The following SPG11 variants were observed in gnomAD, a reference collection of about 807,000 sequenced individuals.
SPG11 encodes SPG11 vesicle trafficking associated, spatacsin.
SPG11 carries 222 observed loss-of-function variants against 274.0 expected under a neutral mutation model. The ratio of observed to expected loss-of-function variants is 0.81; its 90% CI spans 0.73 to 0.91. SPG11 has a LOEUF of 0.91. Ranked by LOEUF, SPG11 falls within the 40% of genes least tolerant of loss-of-function variation. The pLI is 0.00. For synonymous variants in SPG11, 1,144 were observed against 1,039.7 expected, an observed-to-expected ratio of 1.10 and a Z score of -1.93; for missense variants, 3,114 against 2,872.7, an observed-to-expected ratio of 1.08 and a Z score of -1.92.
chr15:44,619,182 ATCTGAC>A (rs1267526842), intron 15 of SPG11, among the ~76,000 whole-genome samples: 6 of 152,196 alleles, frequency 3.9e-5, no homozygotes, highest in Non-Finnish European at 5.9e-5. Flanking sequence ...ACGTCCCTGG[ATCTGAC>A]TCTCCACATC....
chr15:44,618,204 C>G (rs1413177741), intron 15 of SPG11, among the ~76,000 whole-genome samples: 1 of 151,968 alleles, frequency 6.6e-6, no homozygotes, highest in Non-Finnish European at 1.5e-5. Context: ...TTCTAGGTAC[C>G]CCTTTTAAGT....
intron 20 of SPG11, chr15:44,604,201 A>C: frequency 3.8e-6 from 1 of 261,186 alleles, no homozygotes. Context: ...CTGATTCCTA[A>C]AAAAAAAAAA....
Position 44,621,948 on chromosome 15 carries a change from T to C in SPG11, c.2445-14A>G, listed in dbSNP as rs1482603576. The stretch of plus-strand genomic sequence containing the variant: ...TTTATCCAGTACCTAAAAACAGTGA[T>C]ATAAATTTTTTTTTTTTTAATTTTG... On this transcript the variant is annotated splice_polypyrimidine_tract_variant and intron_variant, in intron 13 of 39. Coordinates refer to ENST00000261866, the MANE Select transcript of SPG11 (RefSeq NM_025137.4). 1 of 1,589,128 alleles carries C rather than the reference T, an allele frequency of 6.3e-7. No individual in the cohort carries two copies. The highest frequency in any genetic ancestry group is 8.6e-7 in the Non-Finnish European group (1 of 1,168,784).
intron 16 of SPG11, among the ~76,000 whole-genome samples, chr15:44,614,812 T>A (rs2083551623): frequency 6.6e-6 from 1 of 152,226 alleles, no homozygotes; most frequent in African/African-American, 2.4e-5. Flanking sequence ...AAAGACTACT[T>A]CTATTGTTAT....
At chr15:44,594,240 CA>C (rs2082975414) in intron 26 of SPG11, among the ~76,000 whole-genome samples, 1 of 151,326 alleles carries the variant, frequency 6.6e-6, no homozygotes, top group South Asian at 2.1e-4. Context: ...GCCTGGCCAA[CA>C]TGGTGAAACC....
At chr15:44,617,887 G>A (rs1341588639) in intron 15 of SPG11, among the ~76,000 whole-genome samples, 1 of 151,832 alleles carries the variant, frequency 6.6e-6, no homozygotes, top group Non-Finnish European at 1.5e-5. Flanking sequence ...TGTTGGCCAC[G>A]CTGGTCCCAA....
Position 44,583,912 on chromosome 15 carries a change from C to T in SPG11, c.5768G>A (p.Ser1923Asn), listed in dbSNP as rs763293680. The change falls in exon 30 of 40, where the codon AGT becomes AAT. Residue 1923 changes from serine (S) to asparagine (N), a missense_variant. By Grantham distance (46) the Ser-to-Asn change is conservative (BLOSUM62 1). Coordinates refer to ENST00000261866, the MANE Select transcript of SPG11 (RefSeq NM_025137.4). Reference protein sequence around the residue: ...HCRALASGEASMEDLHPEIHA... With the variant: ...HCRALASGEANMEDLHPEIHA... ...GATCTCTGGGTGCAGATCCTCCATA[C>T]TAGCTTCCCCTGAGGCCAGTGCTCT... 3 of 1,614,208 alleles carry T rather than the reference C, an allele frequency of 1.9e-6. No homozygotes were observed. The highest frequency in any genetic ancestry group is 1.7e-5 in the Admixed American group (1 of 60,030).
rs749792714 is a variant in SPG11, at chr15:44,584,114, C to G, written c.5566G>C (p.Glu1856Gln). The G allele has an allele frequency of 2.5e-6, 4 of 1,614,210 alleles. No homozygotes were observed. The East Asian group carries it at 6.7e-5, about 27-fold the overall frequency. The change falls in exon 30 of 40, where the codon GAA becomes CAA. Residue 1856 changes from glutamate (E) to glutamine (Q), a missense_variant. Physicochemically the swap from Glu to Gln is conservative, Grantham distance 29 (BLOSUM62 2). Transcript: ENST00000261866. ...LAALNTSKYLELNSLPSKETC... is the reference protein window; with the variant it reads ...LAALNTSKYLQLNSLPSKETC... The stretch of plus-strand genomic sequence containing the variant: ...TCTTTGGATGGAAGGCTGTTAAGTT[C>G]TAAGTATTTTGATGTGTTCAGAGCA...
At chr15:44,573,509 C>A in intron 32 of SPG11, 38 bp downstream of exon 32, 1 of 1,605,886 alleles carries the variant, frequency 6.2e-7, no homozygotes, top group Non-Finnish European at 8.5e-7. Context: ...CTAGAGAATG[C>A]TGTCAGAGAG....
chr15:44,577,521 A>T (rs2082564896), intron 30 of SPG11, among the ~76,000 whole-genome samples: 1 of 147,946 alleles, frequency 6.8e-6, no homozygotes, highest in Admixed American at 6.8e-5. Flanking sequence ...AAAAAAAAAC[A>T]AAACAAAAAC....
In SPG11 at chr15:44,608,652, T is replaced by C. The variant is rs779181929; in HGVS notation, c.3292-47A>G. ...AGGTTGGACAGTAGCATTTTTCTCT[T>C]CTCAAAGTTTCTTTTTTTCACAAGA... On this transcript the variant is annotated intron_variant, in intron 18 of 39. Coordinates refer to ENST00000261866, the MANE Select transcript of SPG11 (RefSeq NM_025137.4). The C allele has an allele frequency of 3.2e-6, 5 of 1,583,802 alleles. No homozygotes were observed. In the African/African-American group the frequency reaches 5.4e-5, roughly 17 times the overall value.
In SPG11 at chr15:44,582,687, T is replaced by C. The variant is rs539567979; in HGVS notation, c.5866+1127A>G. ...ACGCACCAGGCCCAAATTGGATTTATGTAAATGGGGAATTCAAGGCTGGTC... is the reference window on the plus strand; with the variant it reads ...ACGCACCAGGCCCAAATTGGATTTACGTAAATGGGGAATTCAAGGCTGGTC... On this transcript the variant is annotated intron_variant, in intron 30 of 39. Transcript: ENST00000261866. Among the ~76,000 whole-genome samples, 16 of 152,158 alleles carry C rather than the reference T, an allele frequency of 1.1e-4. No homozygotes were observed. The East Asian group carries it at 1.5e-3, about 15-fold the overall frequency.
In SPG11 at chr15:44,583,884, A is replaced by G. The variant is rs375350193; in HGVS notation, c.5796T>C (p.His1932=). 2.3e-4 allele frequency: 373 copies of G among 1,614,106 alleles called. No homozygotes were observed. Among genetic ancestry groups the G allele is most frequent in the Non-Finnish European group, 3.1e-4 (360 of 1,180,042 alleles). ...ASMEDLHPEI[H]ALLQSAELLE... is the part of the protein sequence containing the mutation. ...GCAGCTCAGCACTTTGTAGGAGAGC[A>G]TGGATCTCTGGGTGCAGATCCTCCA... The change falls in exon 30 of 40, where the codon CAT becomes CAC. Residue 1932 remains histidine (H), a synonymous_variant. Transcript: ENST00000261866.
At chr15:44,591,910 G>C (rs1025908695) in intron 27 of SPG11, among the ~76,000 whole-genome samples, 3 of 152,150 alleles carry the variant, frequency 2.0e-5, no homozygotes, top group African/African-American at 7.2e-5. Flanking sequence ...AGGAGTTCAA[G>C]ACCAGCCTGA....
At chr15:44,633,150 C>G (rs1172550784) in intron 8 of SPG11, among the ~76,000 whole-genome samples, 1 of 151,280 alleles carries the variant, frequency 6.6e-6, no homozygotes, top group East Asian at 1.9e-4. Flanking sequence ...ACCAGCCTGG[C>G]AACACAGTGA....
Position 44,598,852 on chromosome 15 carries a change from A to G in SPG11, c.3687-16T>C. The G allele has an allele frequency of 6.2e-7, 1 of 1,611,814 alleles. No individual in the cohort carries two copies. Among genetic ancestry groups the G allele is most frequent in the African/African-American group, 1.3e-5 (1 of 74,988 alleles). On this transcript the variant is annotated splice_polypyrimidine_tract_variant and intron_variant, in intron 21 of 39. Coordinates refer to ENST00000261866, the MANE Select transcript of SPG11 (RefSeq NM_025137.4). ...TTGCTGGATCCTGAAAAAGAAAGGA[A>G]TCAAAATCACATCAGCACATGAAAA...
intron 6 of SPG11, among the ~76,000 whole-genome samples, chr15:44,649,333 G>A (rs1374141752): frequency 6.6e-6 from 1 of 152,012 alleles, no homozygotes; most frequent in African/African-American, 2.4e-5. Context: ...GGAGTTGCTG[G>A]AATTACAGTT....
chr15:44,617,456 C>G lies in SPG11; in HGVS notation c.2835-1890G>C, dbSNP rs75345729. Among the ~76,000 whole-genome samples, 144 of 152,276 alleles carry G rather than the reference C, an allele frequency of 9.5e-4. 2 individuals carry two copies. In the East Asian group the frequency reaches 0.022, roughly 23 times the overall value. On this transcript the variant is annotated intron_variant, in intron 15 of 39. Transcript: ENST00000261866. ...TTCCCCATATAGCTATTCAGTTATT[C>G]TAGCCCCATTGTCAAAAAGATGGTT...
At chr15:44,602,458 A>G (rs1025949924) in intron 20 of SPG11, among the ~76,000 whole-genome samples, 2 of 151,248 alleles carry the variant, frequency 1.3e-5, no homozygotes, top group African/African-American at 2.4e-5. Context: ...TTCTGCATCT[A>G]TTGATATGAT....
Sources: allele counts gnomAD v4.1 joint callset (sites outside exome capture counted in the v4.1 genomes callset), GRCh38; gene constraint gnomAD v4.1.1; transcripts MANE v1.5; gene names NCBI Gene and HGNC (gene_info 2026-07-23, HGNC 2026-07-21).